Variants in APAF1 observed in about 807,000 individuals in gnomAD.
The protein encoded by APAF1 is apoptotic protease-activating factor 1.
Under a neutral mutation model 152.4 loss-of-function variants are expected in APAF1, and 91 were observed. The observed-to-expected ratio is 0.60, with a 90% CI of 0.50 to 0.71. The LOEUF (loss-of-function observed/expected upper bound fraction) is 0.71, where lower values mean the gene tolerates loss of function less well. APAF1 is among the 30% of genes least tolerant of loss of function. The pLI, the probability that APAF1 is intolerant of heterozygous loss-of-function variation, is 0.00. For missense variants in APAF1, 1,283 were observed against 1,472.0 expected, an observed-to-expected ratio of 0.87 and a Z score of 2.10; for synonymous variants, 484 against 494.1, an observed-to-expected ratio of 0.98 and a Z score of 0.27.
chr12:98,682,294 C>T (rs1298420845), intron 14 of APAF1, among the ~76,000 whole-genome samples: 2 of 151,004 alleles, frequency 1.3e-5, no homozygotes, highest in African/African-American at 4.9e-5. Flanking sequence ...ACCTCGTGAT[C>T]TGCCCGCCTC....
intron 16 of APAF1, among the ~76,000 whole-genome samples, chr12:98,693,448 T>C (rs910188684): frequency 2.0e-5 from 3 of 152,148 alleles, no homozygotes; most frequent in East Asian, 3.8e-4. Flanking sequence ...TTTACATCAT[T>C]GTAACTAATC....
chr12:98,673,525 C>A (rs2097683120), intron 12 of APAF1, among the ~76,000 whole-genome samples: 1 of 151,482 alleles, frequency 6.6e-6, no homozygotes, highest in South Asian at 2.1e-4. Context: ...GCTTCCCTTA[C>A]AGCTTGAAAT....
intron 16 of APAF1, among the ~76,000 whole-genome samples, chr12:98,695,342 C>T (rs908028343): frequency 3.3e-5 from 5 of 150,504 alleles, no homozygotes; most frequent in African/African-American, 4.9e-5. Context: ...TGAGCCACTG[C>T]GCCCAATGCC....
chr12:98,651,652 A>T (rs1372108097), intron 4 of APAF1, among the ~76,000 whole-genome samples: 1 of 149,660 alleles, frequency 6.7e-6, no homozygotes, highest in East Asian at 1.9e-4. Context: ...ATTAGTAATT[A>T]TTTATTTATT....
intron 5 of APAF1, among the ~76,000 whole-genome samples, chr12:98,660,612 C>T (rs1279099644): frequency 6.6e-6 from 1 of 152,182 alleles, no homozygotes; most frequent in Non-Finnish European, 1.5e-5. Flanking sequence ...ACCTTGGATT[C>T]AGTCAACAAT....
chr12:98,672,937 T>A (rs1490396192), intron 12 of APAF1, among the ~76,000 whole-genome samples: 3 of 151,746 alleles, frequency 2.0e-5, no homozygotes, highest in Middle Eastern at 3.4e-3. Context: ...TATTTTTTTT[T>A]AGTAGAGACA....
chr12:98,705,915 T>C (rs747624326), intron 18 of APAF1, among the ~76,000 whole-genome samples: 3 of 152,206 alleles, frequency 2.0e-5, no homozygotes, highest in Non-Finnish European at 4.4e-5. Context: ...TAATGCGTTA[T>C]ATTCAGAGAA....
chr12:98,680,308 T>G lies in APAF1; in HGVS notation c.1952T>G (p.Leu651Arg). The G allele has an allele frequency of 2.5e-6, 4 of 1,612,086 alleles. No homozygotes were observed. Among genetic ancestry groups the G allele is most frequent in the Non-Finnish European group, 2.5e-6 (3 of 1,179,024 alleles). ...AAAGCTGAAACAGGAGAGAAACTTC[T>G]AGAAATCAAGGCTCATGAGGATGAA... ...VFKAETGEKL[L>R]EIKAHEDEVL... The change falls in exon 14 of 27, where the codon CTA (leucine) becomes CGA (arginine). Residue 651 changes from leucine to arginine, a missense_variant. Transcript: ENST00000551964.
At chr12:98,667,185 C>T (rs1211605598) in intron 9 of APAF1, among the ~76,000 whole-genome samples, 1 of 151,556 alleles carries the variant, frequency 6.6e-6, no homozygotes, top group Non-Finnish European at 1.5e-5. Context: ...CAATCTTAAA[C>T]TCCTGGGCTC....
At position 98,680,322 on chromosome 12, in the gene APAF1, C is replaced by A; in HGVS notation, c.1966C>A (p.His656Asn). The change falls in exon 14 of 27, where the codon CAT becomes AAT. Residue 656 changes from histidine to asparagine, a missense_variant. His to Asn is a moderately conservative substitution (Grantham distance 68, BLOSUM62 1). Coordinates refer to ENST00000551964, the MANE Select transcript of APAF1 (RefSeq NM_181861.2). ...AGAGAAACTTCTAGAAATCAAGGCT[C>A]ATGAGGATGAAGTGCTTTGTTGTGC... ...TGEKLLEIKA[H>N]EDEVLCCAFS... 1 of 1,613,324 alleles carries A rather than the reference C, an allele frequency of 6.2e-7. No homozygotes were observed. Among genetic ancestry groups the A allele is most frequent in the South Asian group, 1.1e-5 (1 of 90,964 alleles).
At chr12:98,703,636 C>T in intron 18 of APAF1, 137 bp downstream of exon 18, 1 of 1,079,336 alleles carries the variant, frequency 9.3e-7, no homozygotes, top group Non-Finnish European at 1.4e-6. Context: ...AGCCTAATGA[C>T]CTCTAACTTT....
Position 98,648,819 on chromosome 12 carries a change from T to C in APAF1, c.328+4T>C. ...GTTAGTGGAATAACTTCGTATGGTTTGTATCCATTATACCTTCTATCACTT... is the reference window on the plus strand; with the variant it reads ...GTTAGTGGAATAACTTCGTATGGTTCGTATCCATTATACCTTCTATCACTT... On this transcript the variant is annotated splice_donor_region_variant and intron_variant, in intron 3 of 26. Transcript: ENST00000551964. 1.9e-6 allele frequency: 3 copies of C among 1,612,802 alleles called. No individual in the cohort carries two copies. Among genetic ancestry groups the C allele is most frequent in the Non-Finnish European group, 2.5e-6 (3 of 1,179,078 alleles).
chr12:98,700,995 T>G (rs1593085623), intron 17 of APAF1, among the ~76,000 whole-genome samples: 1 of 150,506 alleles, frequency 6.6e-6, no homozygotes, highest in Admixed American at 6.6e-5. Flanking sequence ...TTTTCTTTGT[T>G]TTTTTTTTTC....
intron 23 of APAF1, 74 bp downstream of exon 23, chr12:98,723,386 G>A: frequency 6.7e-7 from 1 of 1,500,484 alleles, no homozygotes; most frequent in South Asian, 1.2e-5. Flanking sequence ...ACAGTCAAAA[G>A]CCACTGTGAG....
chr12:98,668,480 C>G (rs193218673), intron 10 of APAF1, among the ~76,000 whole-genome samples: 1 of 152,108 alleles, frequency 6.6e-6, no homozygotes, highest in Non-Finnish European at 1.5e-5. Context: ...ATTGCTCTCA[C>G]GAGTTTATGT....
At chr12:98,718,978 T>G (rs2097738264) in intron 22 of APAF1, among the ~76,000 whole-genome samples, 1 of 152,114 alleles carries the variant, frequency 6.6e-6, no homozygotes, top group South Asian at 2.1e-4. Context: ...TTGCCCCATC[T>G]CCTTCCCTCT....
At chr12:98,722,678 G>A (rs1032871972) in intron 22 of APAF1, among the ~76,000 whole-genome samples, 2 of 152,056 alleles carry the variant, frequency 1.3e-5, no homozygotes, top group Non-Finnish European at 2.9e-5. Context: ...TCTCACTTCC[G>A]TCATTTTGAG....
chr12:98,659,701 G>A (rs1406367084), intron 5 of APAF1, among the ~76,000 whole-genome samples: 2 of 137,280 alleles, frequency 1.5e-5, no homozygotes, highest in East Asian at 2.4e-4. Context: ...GCAGTGAGCC[G>A]AGATCGTGCC....
At chr12:98,685,359 T>C (rs757833080) in intron 15 of APAF1, among the ~76,000 whole-genome samples, 1 of 151,492 alleles carries the variant, frequency 6.6e-6, no homozygotes, top group Non-Finnish European at 1.5e-5. Flanking sequence ...TTTTTTGAGA[T>C]GGCATCTTGC....
Sources: gnomAD v4.1 joint callset for allele counts (sites outside exome capture counted in the v4.1 genomes callset) on GRCh38, gnomAD v4.1.1 for gene constraint, MANE v1.5 for transcripts, NCBI Gene and HGNC (gene_info 2026-07-23, HGNC 2026-07-21) for gene names.